The following ADCY3 variants were observed in gnomAD, a reference collection of about 807,000 sequenced individuals.
The protein encoded by ADCY3 is adenylate cyclase type 3.
A neutral mutation model predicts 119.4 loss-of-function variants in ADCY3; 70 were observed. The ratio of observed to expected loss-of-function variants is 0.59; its 90% CI spans 0.48 to 0.72. The LOEUF (loss-of-function observed/expected upper bound fraction) is 0.72, where lower values mean the gene tolerates loss of function less well. Ranked by LOEUF, ADCY3 falls within the 30% of genes least tolerant of loss-of-function variation. The pLI, the probability that ADCY3 is intolerant of heterozygous loss-of-function variation, is 0.00. For missense variants in ADCY3, 1,238 were observed against 1,541.6 expected (o/e 0.80, Z 3.30); for synonymous variants, 672 against 621.4 (o/e 1.08, Z -1.21).
intron 2 of ADCY3, among the ~76,000 whole-genome samples, chr2:24,882,289 A>T (rs1194630640): frequency 6.6e-6 from 1 of 152,168 alleles, no homozygotes; most frequent in Non-Finnish European, 1.5e-5. Context: ...GCTCAAATGT[A>T]GCATCTTATC....
At position 24,838,519 on chromosome 2, in the gene ADCY3, T is replaced by C. The variant is rs1670589274; in HGVS notation, c.1459A>G (p.Ile487Val). ...SRCDYLEEKG[I>V]ETYLIIASKP... ...GAGGCAATGATGAGGTAGGTTTCAA[T>C]ACCCTTCTCTTCTAGGTAATCACAG... is the stretch of plus-strand genomic sequence containing the variant. Residue 487 changes from isoleucine to valine, a missense_variant, in exon 8 of 22, where the codon ATT (isoleucine) becomes GTT (valine). Around this residue, in one of 7 missense-constraint regions of ADCY3, gnomAD observed 283 missense variants for 437.2 expected, o/e 0.65. Transcript: ENST00000679454. 3.1e-6 allele frequency: 5 copies of C among 1,614,148 alleles called. No homozygotes were observed. The highest frequency in any genetic ancestry group is 4.2e-6 in the Non-Finnish European group (5 of 1,180,020).
intron 3 of ADCY3, among the ~76,000 whole-genome samples, chr2:24,860,934 G>T (rs920713321): frequency 3.9e-5 from 6 of 152,314 alleles, no homozygotes; most frequent in South Asian, 2.1e-4. Flanking sequence ...CCCTTCAGCC[G>T]CACACTCTTA....
At chr2:24,868,303 C>G (rs1042488471) in intron 3 of ADCY3, among the ~76,000 whole-genome samples, 5 of 152,096 alleles carry the variant, frequency 3.3e-5, no homozygotes, top group East Asian at 1.9e-4. Context: ...TGAGATAAAG[C>G]TCAAACAATG....
intron 2 of ADCY3, among the ~76,000 whole-genome samples, chr2:24,879,584 T>A (rs191508666): frequency 2.1e-4 from 32 of 152,300 alleles, no homozygotes; most frequent in Admixed American, 9.1e-4. Context: ...AATAACACTT[T>A]GAGGACGTTT....
chr2:24,834,913 G>A lies in ADCY3; in HGVS notation c.1686C>T (p.Asn562=). 1 of 1,613,774 alleles carries A rather than the reference G, an allele frequency of 6.2e-7. No homozygotes were observed. ...DAQADNPSFP[N]PRRRLRLQDL... ...CCTGCAGGCGCAGCCTCCGGCGTGG[G>A]TTGGGGAATGAGGGGTTGTCGGCCT... Residue 562 remains asparagine (N), a synonymous_variant, in exon 10 of 22, where the codon AAC becomes AAT. Coordinates refer to ENST00000679454, the MANE Select transcript of ADCY3 (RefSeq NM_004036.5). The surrounding 1 kb of genome is among the most constrained non-coding windows in gnomAD (Gnocchi z 4.2).
At chr2:24,831,488 G>C (rs1669500187) in intron 12 of ADCY3, among the ~76,000 whole-genome samples, 174 bp downstream of exon 12, 1 of 152,260 alleles carries the variant, frequency 6.6e-6, no homozygotes, top group African/African-American at 2.4e-5. Context: ...CCCAGCCAGA[G>C]GGAGTGCTCT....
At chr2:24,868,507 CG>C (rs1674586063) in intron 3 of ADCY3, among the ~76,000 whole-genome samples, 1 of 151,774 alleles carries the variant, frequency 6.6e-6, no homozygotes, top group African/African-American at 2.4e-5. Flanking sequence ...AAAAATTAGC[CG>C]GGCGTGTTCC....
At chr2:24,832,830 C>A (rs2148491342) in intron 11 of ADCY3, among the ~76,000 whole-genome samples, 1 of 152,252 alleles carries the variant, frequency 6.6e-6, no homozygotes, top group South Asian at 2.1e-4. Context: ...TCACGTGTCC[C>A]AAAGCAAACT....
At chr2:24,828,189 A>G in intron 13 of ADCY3, 28 bp from the exon 14 acceptor site, 4 of 1,609,862 alleles carry the variant, frequency 2.5e-6, no homozygotes, top group South Asian at 1.1e-5. Context: ...GGGCAGGGAC[A>G]CACGTTCAAG....
intron 9 of ADCY3, 92 bp downstream of exon 9, chr2:24,836,825 A>G: frequency 9.3e-6 from 14 of 1,511,572 alleles, no homozygotes; most frequent in Non-Finnish European, 1.2e-5. Context: ...AGGTCTCCCC[A>G]GCACAGGACT....
rs1678513579 is a variant in ADCY3, at chr2:24,898,276, GC to G, written c.675+20036del. The stretch of plus-strand genomic sequence containing the variant: ...CTCTCCCAGTTCGTGCGCCACAGAG[GC>G]CCCCGGGGAGGCTCGAGGACCGCCT... On this transcript the variant is annotated intron_variant, in intron 2 of 21. Transcript: ENST00000679454. The surrounding 1 kb of genome is among the most constrained non-coding windows in gnomAD (Gnocchi z 4.3). Among the ~76,000 whole-genome samples the G allele has an allele frequency of 6.6e-6, 1 of 152,082 alleles. No individual in the cohort carries two copies. Among genetic ancestry groups the G allele is most frequent in the South Asian group, 2.1e-4 (1 of 4,806 alleles).
intron 3 of ADCY3, among the ~76,000 whole-genome samples, chr2:24,856,373 T>A (rs1673004565): frequency 6.6e-6 from 1 of 152,232 alleles, no homozygotes; most frequent in African/African-American, 2.4e-5. Context: ...CTGTAACCCA[T>A]CACAGGCTGT....
chr2:24,861,166 G>A (rs1415519902), intron 3 of ADCY3, among the ~76,000 whole-genome samples: 1 of 151,128 alleles, frequency 6.6e-6, no homozygotes. Context: ...CAGGAGAATC[G>A]CTTGAACCTG....
At position 24,834,562 on chromosome 2, in the gene ADCY3, C is replaced by T. The variant is rs371180476; in HGVS notation, c.1890G>A (p.Lys630=). The stretch of plus-strand genomic sequence containing the variant: ...AGCAGCTGAAGGCAGCCCCACTCTG[C>T]TTCTCCTTCTCCACCGAGTAGCGGG... The part of the protein sequence containing the change: ...METRYSVEKE[K]QSGAAFSCSC... Residue 630 remains lysine, a synonymous_variant, in exon 11 of 22, where the codon AAG becomes AAA. Coordinates refer to ENST00000679454, the MANE Select transcript of ADCY3 (RefSeq NM_004036.5). This position sits in a 1 kb window ranked among gnomAD's most constrained non-coding sequence, Gnocchi z 4.2. 1 of 1,614,052 alleles carries T rather than the reference C, an allele frequency of 6.2e-7. No homozygotes were observed. Among genetic ancestry groups the T allele is most frequent in the Non-Finnish European group, 8.5e-7 (1 of 1,180,030 alleles).
At chr2:24,890,752 A>C (rs1677559833) in intron 2 of ADCY3, among the ~76,000 whole-genome samples, 1 of 152,108 alleles carries the variant, frequency 6.6e-6, no homozygotes. Flanking sequence ...CTTTGGAGTC[A>C]CTGATTTGTA....
chr2:24,913,663 G>A (rs1212738616), intron 2 of ADCY3, among the ~76,000 whole-genome samples: 1 of 152,182 alleles, frequency 6.6e-6, no homozygotes, highest in Non-Finnish European at 1.5e-5. Flanking sequence ...TCTGCAGACA[G>A]GGTGTCTCTG....
At chr2:24,858,137 T>C (rs1341400502) in intron 3 of ADCY3, among the ~76,000 whole-genome samples, 1 of 151,892 alleles carries the variant, frequency 6.6e-6, no homozygotes, top group Non-Finnish European at 1.5e-5. Context: ...TAGCTGGGAC[T>C]ACAGGTGCGC....
intron 3 of ADCY3, among the ~76,000 whole-genome samples, chr2:24,858,432 C>G (rs1040822936): frequency 6.6e-6 from 1 of 152,134 alleles, no homozygotes; most frequent in Non-Finnish European, 1.5e-5. Context: ...CAAGGACTAC[C>G]TAACTGATTC....
At chr2:24,876,806 G>C (rs1386386267) in intron 2 of ADCY3, among the ~76,000 whole-genome samples, 1 of 152,218 alleles carries the variant, frequency 6.6e-6, no homozygotes, top group African/African-American at 2.4e-5. Context: ...ACCCTAGCGA[G>C]AATCTGAAAT....
Sources: gnomAD v4.1 joint callset for allele counts (sites outside exome capture counted in the v4.1 genomes callset) on GRCh38, gnomAD v4.1.1 for gene constraint, gnomAD v4.1.1 regional missense constraint, Gnocchi (gnomAD v3.1) non-coding constraint, MANE v1.5 for transcripts, NCBI Gene and HGNC (gene_info 2026-07-23, HGNC 2026-07-21) for gene names.